Variants in ADAMTSL1 observed in about 807,000 individuals in gnomAD.
The protein encoded by ADAMTSL1 is ADAMTS-like protein 1.
In ADAMTSL1, 126 loss-of-function variants were observed where a neutral mutation model predicts 201.8. The ratio of observed to expected loss-of-function variants is 0.62; its 90% CI spans 0.54 to 0.72. ADAMTSL1 has a LOEUF of 0.72. Among genes scored for constraint, ADAMTSL1 ranks in the 30% least tolerant of loss-of-function variants. The pLI, the probability that ADAMTSL1 is intolerant of heterozygous loss-of-function variation, is 0.00. For synonymous variants in ADAMTSL1, 1,121 were observed against 903.4 expected, an observed-to-expected ratio of 1.24 and a Z score of -4.32; for missense variants, 2,679 against 2,277.8, an observed-to-expected ratio of 1.18 and a Z score of -3.59.
intron 2 of ADAMTSL1, among the ~76,000 whole-genome samples, chr9:18,406,648 G>C (rs775466030): frequency 4.0e-5 from 6 of 151,866 alleles, no homozygotes; most frequent in Non-Finnish European, 8.8e-5. Context: ...TTTTTGTTAT[G>C]GAAGAAATTT....
intron 3 of ADAMTSL1, among the ~76,000 whole-genome samples, chr9:18,570,199 G>A (rs753660967): frequency 6.6e-6 from 1 of 150,914 alleles, no homozygotes; most frequent in Non-Finnish European, 1.5e-5. Context: ...GGAGAATGAA[G>A]GGCGAGACCC....
chr9:18,711,650 G>T (rs1000162720), intron 14 of ADAMTSL1, among the ~76,000 whole-genome samples: 1 of 152,184 alleles, frequency 6.6e-6, no homozygotes, highest in African/African-American at 2.4e-5. Flanking sequence ...CAAACTGCAA[G>T]GTGGCAGCGA....
At chr9:17,986,258 G>A (rs1419793083) in intron 1 of ADAMTSL1, among the ~76,000 whole-genome samples, 3 of 151,974 alleles carry the variant, frequency 2.0e-5, no homozygotes, top group Non-Finnish European at 4.4e-5. Flanking sequence ...GAAAACCCAT[G>A]TTTCTTTAAC....
At position 18,161,486 on chromosome 9, in the gene ADAMTSL1, G is replaced by C. The variant is rs191295198; in HGVS notation, c.88-2376G>C. Among the ~76,000 whole-genome samples the C allele has an allele frequency of 3.2e-3, 489 of 152,136 alleles. 1 individual carries two copies. Among genetic ancestry groups the C allele is most frequent in the Non-Finnish European group, 5.2e-3 (356 of 67,962 alleles). ...TGAAGAAATGTTTCATAAAATATGG[G>C]ATTCAACAGGGATCAACATACATTA... On this transcript the variant is annotated intron_variant, in intron 1 of 29. Transcript: ENST00000680146.
At chr9:18,427,229 C>A (rs1819264114) in intron 2 of ADAMTSL1, among the ~76,000 whole-genome samples, 2 of 152,194 alleles carry the variant, frequency 1.3e-5, no homozygotes, top group East Asian at 1.9e-4. Flanking sequence ...CAGGAATTAT[C>A]AGCTATAGTT....
At chr9:18,166,914 A>C (rs1827660288) in intron 2 of ADAMTSL1, among the ~76,000 whole-genome samples, 2 of 151,890 alleles carry the variant, frequency 1.3e-5, no homozygotes, top group Admixed American at 1.3e-4. Context: ...CTCAACGAGG[A>C]CCTATTGGCG....
intron 1 of ADAMTSL1, among the ~76,000 whole-genome samples, chr9:18,477,198 A>G (rs565043368): frequency 6.6e-5 from 10 of 152,192 alleles, no homozygotes; most frequent in African/African-American, 2.2e-4. Flanking sequence ...GGCCATTGAC[A>G]TATGTGTCCA....
At chr9:18,345,476 T>A (rs1042556037) in intron 2 of ADAMTSL1, among the ~76,000 whole-genome samples, 3 of 152,096 alleles carry the variant, frequency 2.0e-5, no homozygotes, top group Non-Finnish European at 4.4e-5. Flanking sequence ...TAACATCACG[T>A]GTAGGAATGC....
Position 18,538,514 on chromosome 9 carries a change from A to G in ADAMTSL1, c.237+5222A>G, listed in dbSNP as rs78033855. 1.0e-3 allele frequency among the ~76,000 whole-genome samples: 155 copies of G among 152,182 alleles called. 2 individuals are homozygous for G. In the East Asian group the frequency reaches 0.025, roughly 25 times the overall value. On this transcript the variant is annotated intron_variant, in intron 3 of 28. Transcript: ENST00000380548. ...CATATCTGGGCTATACTAGATTTGG[A>G]TCTGAATGCAGATTAATGAAGATGT... is the stretch of plus-strand genomic sequence containing the variant.
intron 23 of ADAMTSL1, among the ~76,000 whole-genome samples, chr9:18,831,126 G>A (rs1220064724): frequency 1.3e-5 from 2 of 152,162 alleles, no homozygotes; most frequent in African/African-American, 4.8e-5. Flanking sequence ...AATCTTCACA[G>A]CTTATCAGCA....
intron 23 of ADAMTSL1, among the ~76,000 whole-genome samples, chr9:18,851,352 G>A (rs1011621996): frequency 6.6e-6 from 1 of 152,166 alleles, no homozygotes; most frequent in Non-Finnish European, 1.5e-5. Context: ...GATCGAGGAG[G>A]AAGGTTGTAG....
At chr9:18,051,133 C>T (rs1359578161) in intron 1 of ADAMTSL1, among the ~76,000 whole-genome samples, 2 of 152,282 alleles carry the variant, frequency 1.3e-5, no homozygotes, top group South Asian at 4.1e-4. Context: ...AACCCCATCT[C>T]TACTAAAAAT....
At chr9:18,314,817 G>A (rs1474509228) in intron 2 of ADAMTSL1, among the ~76,000 whole-genome samples, 1 of 38,460 alleles carries the variant, frequency 2.6e-5, no homozygotes, top group African/African-American at 7.5e-5. Context: ...TTTTTTTTGA[G>A]ACGGAGTCTT....
rs139654954 is a variant in ADAMTSL1, at chr9:18,861,181, T to C, written c.4250-26650T>C. ...CATCCCTCATTATACAGAGATCATA[T>C]ACACATCCCTCTTTTGATACACATT... On this transcript the variant is annotated intron_variant, in intron 23 of 28. Transcript: ENST00000380548. 5.5e-3 allele frequency among the ~76,000 whole-genome samples: 836 copies of C among 152,320 alleles called. 9 individuals carry two copies. Among genetic ancestry groups the C allele is most frequent in the African/African-American group, 0.019 (797 of 41,564 alleles).
rs1158238405 is a variant in ADAMTSL1 at position 18,374,470 on chromosome 9, A to G, written c.208-130359A>G. 2.0e-5 allele frequency among the ~76,000 whole-genome samples: 3 copies of G among 151,944 alleles called. No individual in the cohort carries two copies. In the East Asian group the frequency reaches 5.8e-4, roughly 30 times the overall value. ...AACCTCAGCCTCCAAGTAGCTGGGA[A>G]TACAGATTTGCACCACCTCACCTGG... On this transcript the variant is annotated intron_variant, in intron 2 of 29. Coordinates refer to the ADAMTSL1 transcript ENST00000680146.
intron 1 of ADAMTSL1, among the ~76,000 whole-genome samples, chr9:17,983,582 A>T (rs941616026): frequency 6.6e-6 from 1 of 152,182 alleles, no homozygotes; most frequent in African/African-American, 2.4e-5. Flanking sequence ...TGTTAAGAGA[A>T]TTTGATATTA....
In ADAMTSL1 at chr9:18,575,244, G is replaced by A. The variant is rs186898053; in HGVS notation, c.474+978G>A. On this transcript the variant is annotated intron_variant, in intron 4 of 28. Coordinates refer to ENST00000380548, the MANE Select transcript of ADAMTSL1 (RefSeq NM_001040272.6). ...TGTAGTGTAAATGACTATAAGAGAT[G>A]TGAGATGTCAGGCAAGGTTTTATGC... Among the ~76,000 whole-genome samples, 149 of 152,294 alleles carry A rather than the reference G, an allele frequency of 9.8e-4. 2 individuals carry two copies. Among genetic ancestry groups the A allele is most frequent in the Non-Finnish European group, 1.8e-3 (121 of 68,016 alleles).
intron 13 of ADAMTSL1, among the ~76,000 whole-genome samples, chr9:18,689,325 AG>A (rs1261742822): frequency 6.6e-6 from 1 of 152,126 alleles, no homozygotes; most frequent in Non-Finnish European, 1.5e-5. Flanking sequence ...TAATTTCTTG[AG>A]GAAAAATGAT....
At chr9:18,346,332 C>T (rs1835714097) in intron 2 of ADAMTSL1, among the ~76,000 whole-genome samples, 1 of 152,056 alleles carries the variant, frequency 6.6e-6, no homozygotes, top group Non-Finnish European at 1.5e-5. Flanking sequence ...CTTATCAGTG[C>T]CTTTCTCAGA....
Sources: allele counts gnomAD v4.1 joint callset (sites outside exome capture counted in the v4.1 genomes callset), GRCh38; gene constraint gnomAD v4.1.1; transcripts MANE v1.5; gene names NCBI Gene and HGNC (gene_info 2026-07-23, HGNC 2026-07-21).